MCM7: variants seen among roughly 807,000 people sequenced by gnomAD.
MCM7 encodes the protein DNA replication licensing factor MCM7.
Under a neutral mutation model 83.5 loss-of-function variants are expected in MCM7, and 95 were observed. The ratio of observed to expected loss-of-function variants is 1.14; its 90% confidence interval spans 0.96 to 1.35. The LOEUF (loss-of-function observed/expected upper bound fraction) is 1.35. Among genes scored for constraint, MCM7 ranks in the 40% most tolerant of loss-of-function variants. The pLI, the probability that MCM7 is intolerant of heterozygous loss-of-function variation, is 0.00. For synonymous variants in MCM7, 461 were observed against 352.7 expected (o/e 1.31, Z -3.44); for missense variants, 1,087 against 957.4 (o/e 1.14, Z -1.79).
intron 3 of MCM7, 33 bp from the exon 4 acceptor site, chr7:100,099,436 A>AAAAAAAAAC: frequency 6.4e-7 from 1 of 1,552,302 alleles, no homozygotes; most frequent in Non-Finnish European, 8.8e-7. Context: ...AAAAAAAAAA[A>AAAAAAAAAC]GAGCAACAGG....
chr7:100,100,618 A>T (rs1227442874), intron 1 of MCM7: 1 of 991,106 alleles, frequency 1.0e-6, no homozygotes, highest in African/African-American at 1.7e-5. Context: ...GCCATTGGCC[A>T]TCACACCCAG....
chr7:100,097,103 AAAAAAC>A (rs918066543), intron 10 of MCM7, among the ~76,000 whole-genome samples, 192 bp downstream of exon 10: 6 of 152,344 alleles, frequency 3.9e-5, no homozygotes, highest in African/African-American at 1.4e-4. Context: ...TCTATCTCAA[AAAAAAC>A]AAAAACAAAA....
chr7:100,096,530 C>T (rs1795643806), intron 10 of MCM7, among the ~76,000 whole-genome samples: 1 of 152,090 alleles, frequency 6.6e-6, no homozygotes, highest in Admixed American at 6.5e-5. Flanking sequence ...CCAGCACTTT[C>T]GGAGGCCGAT....
At chr7:100,100,556 T>A in intron 1 of MCM7, 1 of 992,094 alleles carries the variant, frequency 1.0e-6, no homozygotes, top group East Asian at 1.1e-4. Context: ...GGGCCCGGAT[T>A]CCAGCCGCTT....
intron 12 of MCM7, among the ~76,000 whole-genome samples, chr7:100,095,124 A>C (rs1795548514): frequency 6.6e-6 from 1 of 152,190 alleles, no homozygotes; most frequent in African/African-American, 2.4e-5. Flanking sequence ...GGTTGCAGAG[A>C]GCTGAGATCA....
At chr7:100,094,835 T>C (rs900524817) in intron 12 of MCM7, among the ~76,000 whole-genome samples, 2 of 152,216 alleles carry the variant, frequency 1.3e-5, no homozygotes, top group African/African-American at 4.8e-5. Context: ...AGCTTGGGGA[T>C]GGGACTCCAG....
In MCM7 at chr7:100,101,195, C is replaced by T. The variant is rs546749583; in HGVS notation, c.31+69G>A. On this transcript the variant is annotated intron_variant, in intron 1 of 14. Transcript: ENST00000303887. ...CGACCCCGGTCCCCCAAGACCCCAGCTCACACCAACAGGTGTTCCCCGGGA... is the reference window on the plus strand; with the variant it reads ...CGACCCCGGTCCCCCAAGACCCCAGTTCACACCAACAGGTGTTCCCCGGGA... The T allele has an allele frequency of 1.4e-5, 22 of 1,591,084 alleles. No individual in the cohort carries two copies. In the South Asian group the frequency reaches 2.1e-4, roughly 15 times the overall value.
At position 100,099,391 on chromosome 7, in the gene MCM7, CT is replaced by C; in HGVS notation, c.288del (p.Asp97MetfsTer11). 2.0e-6 allele frequency: 3 copies of C among 1,486,386 alleles called. No individual in the cohort carries two copies. Among genetic ancestry groups the C allele is most frequent in the Non-Finnish European group, 2.8e-6 (3 of 1,081,356 alleles). 92.1% of individuals were successfully genotyped at this position (1,486,386 alleles called of 1,614,324 possible). On this transcript the variant is annotated frameshift_variant, in exon 4 of 15. Transcript: ENST00000303887. LOFTEE classifies it high-confidence loss of function. Reference protein sequence around the residue: ...PQYKEREVVNKDVLDVYIEHR... With the variant: ...PQYKEREVVNXDVLDVYIEHR... ...TGCTCAATGTAAACGTCCAGGACAT[CT>C]TTATTTACCACCTAAAGGAGAAGAA...
rs757968353 is a variant in MCM7, at chr7:100,095,457, T to C, written c.1609A>G (p.Ile537Val). The change falls in exon 12 of 15, where the codon ATC becomes GTC. Residue 537 changes from isoleucine to valine, a missense_variant. Coordinates refer to ENST00000303887, the MANE Select transcript of MCM7 (RefSeq NM_005916.5). ...RDNDLRLAQH[I>V]TYVHQHSRQP... ...CGGCTGTGCTGGTGCACATAGGTGA[T>C]GTGCTGGGCCAACCTGGACAGAGGG... 6.2e-7 allele frequency: 1 copy of C among 1,614,126 alleles called. No individual in the cohort carries two copies. Among genetic ancestry groups the C allele is most frequent in the Non-Finnish European group, 8.5e-7 (1 of 1,180,016 alleles).
At chr7:100,093,947 TAAG>T (rs764985161) in intron 13 of MCM7, 2 of 719,010 alleles carry the variant, frequency 2.8e-6, no homozygotes, top group South Asian at 1.4e-5. Flanking sequence ...CAGTGAAGGT[TAAG>T]AAGTGGGGAA....
Position 100,099,686 on chromosome 7 carries a change from G to T in MCM7, c.179C>A (p.Pro60His). ...VDLDDVAEDD[P>H]ELVDSICENA... ...CTCACAAATTGAGTCCACCAACTCG[G>T]GGTCATCCTCGGCTACGTCGTCCAG... The change falls in exon 3 of 15, where the codon CCC (proline) becomes CAC (histidine). Residue 60 changes from proline to histidine, a missense_variant. Coordinates refer to ENST00000303887, the MANE Select transcript of MCM7 (RefSeq NM_005916.5). The T allele has an allele frequency of 6.2e-7, 1 of 1,614,222 alleles. No homozygotes were observed. The highest frequency in any genetic ancestry group is 8.5e-7 in the Non-Finnish European group (1 of 1,180,048).
chr7:100,098,978 A>G, intron 5 of MCM7, 45 bp downstream of exon 5: 1 of 1,609,772 alleles, frequency 6.2e-7, no homozygotes, highest in Non-Finnish European at 8.5e-7. Flanking sequence ...TCTCTACAAA[A>G]CAACTAATGG....
chr7:100,098,610 TG>T lies in MCM7; in HGVS notation c.687del (p.Phe229LeufsTer7), dbSNP rs1359761590. Reference sequence around the variant, plus strand: ...TGCATCTTCATCTCCTGGAATTTGATGAATCTGGAGCCCCGTGTCTGCAGAT... The same window carrying T: ...TGCATCTTCATCTCCTGGAATTTGATAATCTGGAGCCCCGTGTCTGCAGAT... ...RLYLQTRGSR[F>X]IKFQEMKMQE... is the part of the protein sequence containing the mutation. On this transcript the variant is annotated frameshift_variant, in exon 6 of 15. Transcript: ENST00000303887. LOFTEE classifies it high-confidence loss of function. The T allele has an allele frequency of 6.2e-7, 1 of 1,614,208 alleles. No homozygotes were observed. The highest frequency in any genetic ancestry group is 8.5e-7 in the Non-Finnish European group (1 of 1,180,044).
In MCM7 at chr7:100,097,616, C is replaced by T. The variant is rs879207105; in HGVS notation, c.1115G>A (p.Arg372Gln). Reference protein sequence around the residue: ...VDQSPRGMKIRGNINICLMGD... With the variant: ...VDQSPRGMKIQGNINICLMGD... ...GCCTCTCCCTTGTTTCTTCTTACCC[C>T]GGATTTTCATGCCTCGAGGAGACTG... The change falls in exon 9 of 15, where the codon CGG (arginine) becomes CAG (glutamine). Residue 372 changes from arginine to glutamine, a missense_variant and splice_region_variant. By Grantham distance (43) the Arg-to-Gln change is conservative. Transcript: ENST00000303887. 1.2e-6 allele frequency: 2 copies of T among 1,613,664 alleles called. No homozygotes were observed. Among genetic ancestry groups the T allele is most frequent in the Admixed American group, 1.7e-5 (1 of 60,004 alleles).
chr7:100,094,381 G>A lies in MCM7; in HGVS notation c.1680-40C>T, dbSNP rs116060549. 2,440 of 1,610,890 alleles carry A rather than the reference G, an allele frequency of 1.5e-3. 30 individuals are homozygous for A. In the African/African-American group the frequency reaches 0.028, roughly 19 times the overall value. On this transcript the variant is annotated intron_variant, in intron 12 of 14. Coordinates refer to ENST00000303887, the MANE Select transcript of MCM7 (RefSeq NM_005916.5). ...TCATGGGGAAGCAGAAGAGGGAGATGGGGAAGGGAGTGAATATGAGCCCAT... is the reference window on the plus strand; with the variant it reads ...TCATGGGGAAGCAGAAGAGGGAGATAGGGAAGGGAGTGAATATGAGCCCAT...
intron 6 of MCM7, 57 bp downstream of exon 6, chr7:100,098,520 TA>T: frequency 1.2e-6 from 2 of 1,605,880 alleles, no homozygotes; most frequent in Non-Finnish European, 1.7e-6. Flanking sequence ...CACAAGTGAC[TA>T]CAGGATTCAA....
chr7:100,098,558 G>C lies in MCM7; in HGVS notation c.720+20C>G. On this transcript the variant is annotated intron_variant, in intron 6 of 14. Coordinates refer to ENST00000303887, the MANE Select transcript of MCM7 (RefSeq NM_005916.5). The stretch of plus-strand genomic sequence containing the variant: ...TGGACTCCCGATCCACCTGCCCAGG[G>C]CCACGTACCCCAAACTCACATGTTC... The C allele has an allele frequency of 6.2e-7, 1 of 1,613,892 alleles. No homozygotes were observed. Among genetic ancestry groups the C allele is most frequent in the East Asian group, 2.2e-5 (1 of 44,872 alleles).
At chr7:100,094,137 CA>C (rs1396527670) in intron 13 of MCM7, 35 bp downstream of exon 13, 7 of 1,613,902 alleles carry the variant, frequency 4.3e-6, no homozygotes, top group Non-Finnish European at 5.9e-6. Flanking sequence ...CTTTAAGGGT[CA>C]AAACAGATGG....
chr7:100,094,417 G>C (rs549691821), intron 12 of MCM7, 76 bp from the exon 13 acceptor site: 1,722 of 1,535,166 alleles, frequency 1.1e-3, no homozygotes, highest in Admixed American at 1.3e-3. Context: ...GTTGTTTTCT[G>C]TACCAGGGCT....
Sources: gnomAD v4.1 joint callset for allele counts (sites outside exome capture counted in the v4.1 genomes callset) on GRCh38, gnomAD v4.1.1 for gene constraint, MANE v1.5 for transcripts, NCBI Gene and HGNC (gene_info 2026-07-23, HGNC 2026-07-21) for gene names.